Variants in RANBP2 observed in about 807,000 individuals in gnomAD.
RANBP2 encodes E3 SUMO-protein ligase RanBP2.
RANBP2 carries 57 observed loss-of-function variants against 303.6 expected under a neutral mutation model. That is an observed-to-expected ratio of 0.19 (90% CI 0.15 to 0.23). The LOEUF (loss-of-function observed/expected upper bound fraction) is 0.23. RANBP2 is among the 10% of genes least tolerant of loss of function. The probability of loss-of-function intolerance (pLI) is 1.00; values close to 1 mark genes in which losing one functional copy is unlikely to be tolerated. For synonymous variants in RANBP2, 1,167 were observed against 1,301.5 expected (o/e 0.90, Z 2.23); for missense variants, 3,138 against 3,780.8 (o/e 0.83, Z 4.46).
chr2:109,361,801 T>C, the RANBP2 span, among the ~76,000 whole-genome samples: 3 of 152,184 alleles, frequency 2.0e-5, no homozygotes, highest in African/African-American at 7.2e-5. Flanking sequence ...CTTGTATGAG[T>C]TTTAGCAGAT....
At chr2:109,015,220 G>A in the RANBP2 span, among the ~76,000 whole-genome samples, 1 of 147,486 alleles carries the variant, frequency 6.8e-6, no homozygotes, top group Non-Finnish European at 1.5e-5. Flanking sequence ...GTTGACCCTT[G>A]AACAACCTGG....
At chr2:109,405,703 A>G in the RANBP2 span, among the ~76,000 whole-genome samples, 2 of 152,114 alleles carry the variant, frequency 1.3e-5, no homozygotes, top group African/African-American at 4.8e-5. Flanking sequence ...CTATGGCCCC[A>G]TGTCACCTTT....
chr2:108,937,576 A>T, the RANBP2 span, among the ~76,000 whole-genome samples: 15 of 151,826 alleles, frequency 9.9e-5, 1 homozygote, highest in East Asian at 1.7e-3. Flanking sequence ...GTGTATGCTT[A>T]TGTGTAAGTG....
At chr2:108,897,377 C>T in the RANBP2 span, 237 of 787,816 alleles carry the variant, frequency 3.0e-4, no homozygotes, top group Non-Finnish European at 4.1e-4. Flanking sequence ...AAAACAAATG[C>T]ATAACTTAAG....
At chr2:109,397,698 G>C in the RANBP2 span, among the ~76,000 whole-genome samples, 1 of 152,150 alleles carries the variant, frequency 6.6e-6, no homozygotes, top group Non-Finnish European at 1.5e-5. Flanking sequence ...TGTAATTCAC[G>C]GACCTTCCCC....
the RANBP2 span, among the ~76,000 whole-genome samples, chr2:109,699,165 C>T: frequency 6.6e-6 from 1 of 152,208 alleles, no homozygotes; most frequent in African/African-American, 2.4e-5. Flanking sequence ...GCGATTCTTT[C>T]TCATGCCTGT....
chr2:108,720,421 C>T (rs1694145124), intron 1 of RANBP2, among the ~76,000 whole-genome samples: 1 of 151,776 alleles, frequency 6.6e-6, no homozygotes, highest in African/African-American at 2.4e-5. Context: ...TAACCTTTTC[C>T]ACAAATGTTT....
the RANBP2 span, chr2:109,419,629 C>G: frequency 1.9e-6 from 3 of 1,581,750 alleles, no homozygotes; most frequent in Admixed American, 1.8e-5. Flanking sequence ...CAAGGTCCAG[C>G]TGCCCCTCAA....
the RANBP2 span, among the ~76,000 whole-genome samples, chr2:109,578,407 G>A: frequency 6.6e-6 from 1 of 152,292 alleles, no homozygotes; most frequent in African/African-American, 2.4e-5. Flanking sequence ...GAGAAAAAAG[G>A]TCACTACGTA....
intron 1 of RANBP2, among the ~76,000 whole-genome samples, chr2:108,727,003 A>G (rs1694769469): frequency 6.6e-6 from 1 of 152,222 alleles, no homozygotes; most frequent in Admixed American, 6.5e-5. Context: ...CTTAGTGCAG[A>G]ACAAAATGAA....
the RANBP2 span, among the ~76,000 whole-genome samples, chr2:109,684,786 C>T: frequency 9.0e-4 from 137 of 151,912 alleles, no homozygotes; most frequent in East Asian, 4.8e-3. Flanking sequence ...CCGCCCGCCT[C>T]GGCCTCCCTA....
At chr2:109,145,299 A>C in the RANBP2 span, among the ~76,000 whole-genome samples, 1 of 152,166 alleles carries the variant, frequency 6.6e-6, no homozygotes, top group Non-Finnish European at 1.5e-5. Context: ...GGTGGTTACA[A>C]GCCCACTCAG....
the RANBP2 span, among the ~76,000 whole-genome samples, chr2:109,040,670 A>G: frequency 6.6e-6 from 1 of 152,196 alleles, no homozygotes; most frequent in Non-Finnish European, 1.5e-5. Flanking sequence ...AGTCTCACAC[A>G]TTTCTTGTTA....
At chr2:109,260,464 C>T in the RANBP2 span, among the ~76,000 whole-genome samples, 1 of 152,210 alleles carries the variant, frequency 6.6e-6, no homozygotes. Context: ...ATCTGCCTCC[C>T]AGTGGCTGTA....
At chr2:108,719,905 C>G (rs528475208) in intron 1 of RANBP2, among the ~76,000 whole-genome samples, 3 of 151,322 alleles carry the variant, frequency 2.0e-5, no homozygotes, top group Non-Finnish European at 3.0e-5. Context: ...CTCTTTCTCC[C>G]GGCTTGTTCC....
chr2:109,278,982 G>T, the RANBP2 span, among the ~76,000 whole-genome samples: 1 of 152,206 alleles, frequency 6.6e-6, no homozygotes, highest in African/African-American at 2.4e-5. Context: ...AGACTTGTAG[G>T]TTTCCTCATT....
chr2:109,088,687 T>G, the RANBP2 span, among the ~76,000 whole-genome samples: 1,199 of 152,102 alleles, frequency 7.9e-3, 11 homozygotes, highest in East Asian at 0.036. Context: ...AATTTTTGTA[T>G]TTTTAGAAGA....
At chr2:109,572,459 T>C in the RANBP2 span, among the ~76,000 whole-genome samples, 1 of 151,276 alleles carries the variant, frequency 6.6e-6, no homozygotes, top group African/African-American at 2.4e-5. Flanking sequence ...ATATGAAAAA[T>C]TGAATCCAAG....
At chr2:109,349,892 C>T in the RANBP2 span, among the ~76,000 whole-genome samples, 1 of 152,252 alleles carries the variant, frequency 6.6e-6, no homozygotes, top group Non-Finnish European at 1.5e-5. Flanking sequence ...GACAAGAGGA[C>T]AAAGGGCACC....
Sources: allele counts gnomAD v4.1 joint callset (sites outside exome capture counted in the v4.1 genomes callset), GRCh38; gene constraint gnomAD v4.1.1; transcripts MANE v1.5; gene names NCBI Gene and HGNC (gene_info 2026-07-23, HGNC 2026-07-21).